The following TET1 variants were observed in gnomAD, a reference collection of about 807,000 sequenced individuals.
TET1 encodes tet methylcytosine dioxygenase 1, also known as methylcytosine dioxygenase TET1.
A neutral mutation model predicts 148.7 loss-of-function variants in TET1; 13 were observed. The observed-to-expected ratio is 0.09, with a 90% CI of 0.06 to 0.14. The LOEUF (loss-of-function observed/expected upper bound fraction) is 0.14, where lower values mean the gene tolerates loss of function less well. Ranked by LOEUF, TET1 falls within the 10% of genes least tolerant of loss-of-function variation. The pLI, the probability that TET1 is intolerant of heterozygous loss-of-function variation, is 1.00. For synonymous variants in TET1, 907 were observed against 937.2 expected, an observed-to-expected ratio of 0.97 and a Z score of 0.59; for missense variants, 2,182 against 2,553.8, an observed-to-expected ratio of 0.85 and a Z score of 3.14.
At chr10:68,640,487 C>G (rs565065459) in intron 3 of TET1, among the ~76,000 whole-genome samples, 1 of 143,486 alleles carries the variant, frequency 7.0e-6, no homozygotes, top group Admixed American at 7.3e-5. Context: ...TGGTCTTGAT[C>G]TCCTGAACTC....
intron 11 of TET1, among the ~76,000 whole-genome samples, chr10:68,690,329 C>T (rs572984733): frequency 1.3e-5 from 2 of 152,172 alleles, no homozygotes; most frequent in South Asian, 2.1e-4. Flanking sequence ...AAATTATGGC[C>T]GGGCGCAGTA....
intron 3 of TET1, among the ~76,000 whole-genome samples, chr10:68,613,587 C>A (rs1474721976): frequency 2.0e-5 from 3 of 151,952 alleles, no homozygotes; most frequent in Non-Finnish European, 4.4e-5. Flanking sequence ...ATTGAAAAAA[C>A]AACATGGAAA....
chr10:68,615,054 C>T (rs571892045), intron 3 of TET1, among the ~76,000 whole-genome samples: 4 of 151,710 alleles, frequency 2.6e-5, no homozygotes, highest in Admixed American at 2.0e-4. Context: ...TTTGCCTCAG[C>T]CTCCTGAATA....
At chr10:68,584,656 C>T (rs2053840311) in intron 2 of TET1, among the ~76,000 whole-genome samples, 1 of 151,374 alleles carries the variant, frequency 6.6e-6, no homozygotes, top group Middle Eastern at 3.2e-3. Context: ...TTGCAGAGAG[C>T]TGAGATCGCA....
chr10:68,661,910 T>C (rs1401765234), intron 6 of TET1, among the ~76,000 whole-genome samples: 1 of 141,642 alleles, frequency 7.1e-6, no homozygotes, highest in Non-Finnish European at 1.5e-5. Flanking sequence ...AGATGGAGTT[T>C]CACTGTTGCC....
At chr10:68,681,291 G>A in intron 8 of TET1, 108 bp from the exon 9 acceptor site, 1 of 628,512 alleles carries the variant, frequency 1.6e-6, no homozygotes, top group South Asian at 2.2e-5. Context: ...ATCAGGATAA[G>A]TATGAATTGT....
intron 1 of TET1, among the ~76,000 whole-genome samples, chr10:68,563,612 G>A (rs2053577486): frequency 6.6e-6 from 1 of 152,212 alleles, no homozygotes; most frequent in African/African-American, 2.4e-5. Flanking sequence ...AGAGGATTTT[G>A]GGGGAATCCA....
intron 4 of TET1, among the ~76,000 whole-genome samples, chr10:68,649,333 TGCAGTGGCTCAC>T (rs2054896873): frequency 6.6e-6 from 1 of 151,956 alleles, no homozygotes; most frequent in Non-Finnish European, 1.5e-5. Flanking sequence ...TTCGGCTGGG[TGCAGTGGCTCAC>T]GCCTGTAATC....
At chr10:68,602,505 C>G (rs922814995) in intron 3 of TET1, among the ~76,000 whole-genome samples, 9 of 152,304 alleles carry the variant, frequency 5.9e-5, no homozygotes, top group African/African-American at 2.2e-4. Flanking sequence ...CTAATACAGA[C>G]CAAGCCTAGT....
chr10:68,677,294 C>A (rs1210242648), intron 8 of TET1, among the ~76,000 whole-genome samples: 1 of 152,074 alleles, frequency 6.6e-6, no homozygotes, highest in Non-Finnish European at 1.5e-5. Flanking sequence ...CATTAGGCAT[C>A]CACCCTATAG....
Position 68,573,962 on chromosome 10 carries a change from G to T in TET1, c.1624G>T (p.Asp542Tyr), listed in dbSNP as rs2053700674. The T allele has an allele frequency of 6.2e-7, 1 of 1,614,086 alleles. No individual in the cohort carries two copies. Among genetic ancestry groups the T allele is most frequent in the Non-Finnish European group, 8.5e-7 (1 of 1,180,048 alleles). Residue 542 changes from aspartate to tyrosine, a missense_variant, in exon 2 of 12, where the codon GAC becomes TAC. Asp to Tyr is a radical substitution (Grantham distance 160). This residue lies in a region of TET1 where 665 missense variants were observed against 672.4 expected (regional missense o/e 0.99). Transcript: ENST00000373644. ...CTCTCAGGCTGGTCCTAGCAAATCA[G>T]ACAGAGGGAGCTCCCAGGTCAGTGT... The part of the protein sequence containing the change: ...QLSQAGPSKS[D>Y]RGSSQVSVTS...
In TET1 at chr10:68,669,491, T is replaced by G. The variant is rs1186816586; in HGVS notation, c.4673+2235T>G. 1.9e-3 allele frequency among the ~76,000 whole-genome samples: 190 copies of G among 99,816 alleles called. 2 individuals carry two copies. Among genetic ancestry groups the G allele is most frequent in the Middle Eastern group, 0.011 (2 of 176 alleles). The allele number at this position is 99,816 out of a possible 152,430, so 65.5% of individuals were successfully genotyped here. On this transcript the variant is annotated intron_variant, in intron 7 of 11. Coordinates refer to ENST00000373644, the MANE Select transcript of TET1 (RefSeq NM_030625.3). ...ATGCCCAGCTTTTTTTTTTTTTTTT[T>G]TGTATTTTTTTGTATTTTTTGGGGG...
chr10:68,644,713 A>T lies in TET1; in HGVS notation c.1984A>T (p.Lys662Ter). The change falls in exon 4 of 12, where the codon AAA becomes TAA. Residue 662 changes from lysine to a stop codon, truncating the protein, a stop_gained. Coordinates refer to ENST00000373644, the MANE Select transcript of TET1 (RefSeq NM_030625.3). LOFTEE classifies it high-confidence loss of function. ...TATTTTACAGGCAGATTTTGACAAC[A>T]AACCAGTAAATGGCCCCAAGTCAGA... ...PKVLKADFDN[K>*]PVNGPKSESM... is the part of the protein sequence containing the mutation. 6.4e-7 allele frequency: 1 copy of T among 1,566,338 alleles called. No individual in the cohort carries two copies. The highest frequency in any genetic ancestry group is 8.6e-7 in the Non-Finnish European group (1 of 1,159,648).
intron 3 of TET1, among the ~76,000 whole-genome samples, chr10:68,637,169 T>C (rs964180338): frequency 2.6e-5 from 4 of 152,014 alleles, no homozygotes; most frequent in Non-Finnish European, 4.4e-5. Flanking sequence ...CCGCTAATTT[T>C]TGTGTTTTTA....
chr10:68,682,456 A>G (rs1817971740), intron 9 of TET1, among the ~76,000 whole-genome samples: 1 of 152,170 alleles, frequency 6.6e-6, no homozygotes. Flanking sequence ...ACTTTCAGTA[A>G]TGGTTCATGA....
At chr10:68,649,374 G>A (rs1356036492) in intron 4 of TET1, among the ~76,000 whole-genome samples, 5 of 152,162 alleles carry the variant, frequency 3.3e-5, no homozygotes, top group African/African-American at 4.8e-5. Flanking sequence ...TTGGGAGGCC[G>A]AGGCGGGCAG....
chr10:68,589,028 C>T (rs535565267), intron 2 of TET1, among the ~76,000 whole-genome samples: 3 of 151,950 alleles, frequency 2.0e-5, no homozygotes, highest in South Asian at 2.1e-4. Flanking sequence ...GACGCTGAGG[C>T]GAGAGGATTG....
intron 3 of TET1, among the ~76,000 whole-genome samples, chr10:68,636,390 C>T (rs541972198): frequency 6.6e-6 from 1 of 152,238 alleles, no homozygotes; most frequent in South Asian, 2.1e-4. Context: ...CTTGTGAGTT[C>T]TAAGAAGCCC....
In TET1 at chr10:68,597,030, ATTT is replaced by A. The variant is rs553591899; in HGVS notation, c.1915-3932_1915-3930del. Among the ~76,000 whole-genome samples the A allele has an allele frequency of 7.0e-3, 691 of 98,840 alleles. 3 individuals carry two copies. The highest frequency in any genetic ancestry group is 0.01 in the Non-Finnish European group (538 of 51,408). The allele number at this position is 98,840 out of a possible 152,430, so 64.8% of individuals were successfully genotyped here. A position where few individuals can be genotyped will look rare whatever the true frequency, so the allele number is the denominator to read the frequency against. ...ATTTTCATGATCACACAGCTAATGG[ATTT>A]TTTTTTTTTTTTTTTTTTGAGACCG... is the stretch of plus-strand genomic sequence containing the variant. On this transcript the variant is annotated intron_variant, in intron 2 of 11. Coordinates refer to ENST00000373644, the MANE Select transcript of TET1 (RefSeq NM_030625.3).
Sources: allele counts gnomAD v4.1 joint callset (sites outside exome capture counted in the v4.1 genomes callset), GRCh38; gene constraint gnomAD v4.1.1; regional missense constraint gnomAD v4.1.1; transcripts MANE v1.5; gene names NCBI Gene and HGNC (gene_info 2026-07-23, HGNC 2026-07-21).